TENM4: variants seen among roughly 807,000 people sequenced by gnomAD.
The protein encoded by TENM4 is teneurin transmembrane protein 4, also known as teneurin-4.
A neutral mutation model predicts 243.3 loss-of-function variants in TENM4; 82 were observed. That is an observed-to-expected ratio of 0.34 (90% CI 0.28 to 0.40). The LOEUF (loss-of-function observed/expected upper bound fraction) is 0.40. Ranked by LOEUF, TENM4 falls within the 10% of genes least tolerant of loss-of-function variation. The pLI, the probability that TENM4 is intolerant of heterozygous loss-of-function variation, is 1.00. For synonymous variants in TENM4, 1,412 were observed against 1,456.3 expected (o/e 0.97, Z 0.69); for missense variants, 3,138 against 3,673.3 (o/e 0.85, Z 3.77).
intron 4 of TENM4, among the ~76,000 whole-genome samples, chr11:79,082,360 C>T (rs1227432544): frequency 6.6e-6 from 1 of 152,130 alleles, no homozygotes; most frequent in Non-Finnish European, 1.5e-5. Flanking sequence ...CCTCCTGATG[C>T]TGCTTGAAAT....
chr11:79,104,383 C>T (rs1861309992), intron 4 of TENM4, among the ~76,000 whole-genome samples: 1 of 152,226 alleles, frequency 6.6e-6, no homozygotes, highest in African/African-American at 2.4e-5. Flanking sequence ...TAGCGCATAG[C>T]TATCCTTCTA....
chr11:79,145,618 G>A (rs1288072705), intron 4 of TENM4, among the ~76,000 whole-genome samples: 1 of 152,050 alleles, frequency 6.6e-6, no homozygotes, highest in African/African-American at 2.4e-5. Flanking sequence ...CATGTGTTTT[G>A]GTGGATATCT....
rs377354105 is a variant in TENM4 at position 79,358,096 on chromosome 11, C to T, written c.-320-60553G>A. Among the ~76,000 whole-genome samples the T allele has an allele frequency of 1.1e-4, 17 of 152,318 alleles. No homozygotes were observed. The East Asian group carries it at 1.5e-3, about 14-fold the overall frequency. On this transcript the variant is annotated intron_variant, in intron 1 of 33. Transcript: ENST00000278550. The stretch of plus-strand genomic sequence containing the variant: ...CAAAATATCACTCCTTTACAACACT[C>T]TCCTCCTAAAGGCTTCTGGGCTCTG...
chr11:79,275,116 T>C (rs1220372761), intron 2 of TENM4, among the ~76,000 whole-genome samples: 1 of 152,162 alleles, frequency 6.6e-6, no homozygotes, highest in Non-Finnish European at 1.5e-5. Flanking sequence ...ATCTCCTACA[T>C]TCCTTCCAGC....
chr11:79,407,977 C>T (rs745362225), intron 1 of TENM4, among the ~76,000 whole-genome samples: 1 of 151,422 alleles, frequency 6.6e-6, no homozygotes, highest in African/African-American at 2.4e-5. Flanking sequence ...GATCTTGGCT[C>T]ACTGCAACTT....
chr11:79,274,906 A>T (rs1856027105), intron 2 of TENM4, among the ~76,000 whole-genome samples: 1 of 152,180 alleles, frequency 6.6e-6, no homozygotes, highest in Non-Finnish European at 1.5e-5. Flanking sequence ...CCCGGGCCTC[A>T]GTTTCCTGCA....
intron 2 of TENM4, among the ~76,000 whole-genome samples, chr11:79,284,412 A>G (rs903033384): frequency 1.3e-4 from 20 of 152,236 alleles, no homozygotes; most frequent in Admixed American, 2.6e-4. Context: ...TCACATTTAT[A>G]GTCATTTGAT....
Position 78,738,443 on chromosome 11 carries a change from T to C in TENM4, c.2876+8A>G. 6.2e-7 allele frequency: 1 copy of C among 1,612,690 alleles called. No individual in the cohort carries two copies. The highest frequency in any genetic ancestry group is 8.5e-7 in the Non-Finnish European group (1 of 1,179,386). ...TTCACTGTTTCTGGCTCATAGAAGGTCTCCTACCTGCCATCTTGCCTGCTG... is the reference window on the plus strand; with the variant it reads ...TTCACTGTTTCTGGCTCATAGAAGGCCTCCTACCTGCCATCTTGCCTGCTG... On this transcript the variant is annotated splice_region_variant and intron_variant, in intron 20 of 33. Coordinates refer to ENST00000278550, the MANE Select transcript of TENM4 (RefSeq NM_001098816.3).
Position 78,889,951 on chromosome 11 carries a change from C to G in TENM4, c.918G>C (p.Thr306=). ...FCTTSPGYPL[T]SSTVYSPPPR... is the part of the protein sequence containing the mutation. ...GCGGAGGAGAGTACACTGTGCTGGA[C>G]GTCAGTGGGTACCCTGGTGATGTGG... The change falls in exon 9 of 34, where the codon ACG becomes ACC. Residue 306 remains threonine (T), a synonymous_variant. Transcript: ENST00000278550. The G allele has an allele frequency of 6.4e-7, 1 of 1,551,552 alleles. No individual in the cohort carries two copies. Among genetic ancestry groups the G allele is most frequent in the Non-Finnish European group, 8.7e-7 (1 of 1,146,962 alleles).
chr11:78,769,445 C>G (rs1856605568), intron 18 of TENM4, among the ~76,000 whole-genome samples: 1 of 152,178 alleles, frequency 6.6e-6, no homozygotes, highest in South Asian at 2.1e-4. Context: ...AACTCTACAA[C>G]AGCACTTATC....
chr11:79,285,343 T>TA lies in TENM4; in HGVS notation c.-265+12144dup, dbSNP rs1248433927. Among the ~76,000 whole-genome samples the TA allele has an allele frequency of 4.6e-5, 7 of 151,276 alleles. No individual in the cohort carries two copies. In the South Asian group the frequency reaches 1.3e-3, roughly 27 times the overall value. The stretch of plus-strand genomic sequence containing the variant: ...ATACCACTTCAAACCCACAAGGAAA[T>TA]AAAAAAGACATAAAAAGTATTGAAA... On this transcript the variant is annotated intron_variant, in intron 2 of 33. Coordinates refer to ENST00000278550, the MANE Select transcript of TENM4 (RefSeq NM_001098816.3).
chr11:79,174,204 G>A (rs1863111158), intron 3 of TENM4, among the ~76,000 whole-genome samples: 1 of 151,944 alleles, frequency 6.6e-6, no homozygotes, highest in African/African-American at 2.4e-5. Flanking sequence ...CCCTTTGTCT[G>A]TTCTTTGCCC....
At chr11:78,959,268 T>C (rs988793428) in intron 6 of TENM4, among the ~76,000 whole-genome samples, 4 of 152,216 alleles carry the variant, frequency 2.6e-5, no homozygotes, top group Non-Finnish European at 4.4e-5. Context: ...TTCCATATTA[T>C]TTGAATGTTA....
intron 9 of TENM4, among the ~76,000 whole-genome samples, chr11:78,866,360 T>A (rs1329912086): frequency 6.7e-6 from 1 of 149,776 alleles, no homozygotes; most frequent in Non-Finnish European, 1.5e-5. Context: ...AATTAACTAA[T>A]CCCAGAATGA....
intron 2 of TENM4, among the ~76,000 whole-genome samples, chr11:79,230,042 C>T (rs1385800302): frequency 8.2e-5 from 12 of 146,872 alleles, no homozygotes; most frequent in African/African-American, 2.8e-4. Flanking sequence ...TGCTATGTTT[C>T]CCAGGCTGGT....
intron 3 of TENM4, among the ~76,000 whole-genome samples, chr11:79,149,447 C>T (rs1862452759): frequency 6.6e-6 from 1 of 152,050 alleles, no homozygotes; most frequent in Non-Finnish European, 1.5e-5. Flanking sequence ...TTTAATATTT[C>T]TTTGGTCATT....
At chr11:79,328,791 T>C (rs1280203990) in intron 1 of TENM4, among the ~76,000 whole-genome samples, 2 of 150,962 alleles carry the variant, frequency 1.3e-5, no homozygotes, top group African/African-American at 4.9e-5. Context: ...AGCATGCATA[T>C]ATATATGTAA....
intron 12 of TENM4, among the ~76,000 whole-genome samples, chr11:78,819,745 C>T (rs956588434): frequency 5.3e-5 from 8 of 152,174 alleles, no homozygotes; most frequent in African/African-American, 1.7e-4. Flanking sequence ...ATGTCTTGTT[C>T]CCTTGTGATA....
intron 22 of TENM4, among the ~76,000 whole-genome samples, chr11:78,727,036 A>T (rs35276519): frequency 1.9e-4 from 29 of 152,210 alleles, no homozygotes; most frequent in Non-Finnish European, 3.5e-4. Flanking sequence ...AAGTGCATCC[A>T]CTGTAGGAAT....
Sources: allele counts gnomAD v4.1 joint callset (sites outside exome capture counted in the v4.1 genomes callset), GRCh38; gene constraint gnomAD v4.1.1; transcripts MANE v1.5; gene names NCBI Gene and HGNC (gene_info 2026-07-23, HGNC 2026-07-21).